The following GSG1L variants were observed in gnomAD, a reference collection of about 807,000 sequenced individuals.
GSG1L encodes the protein germ cell-specific gene 1-like protein.
A neutral mutation model predicts 42.1 loss-of-function variants in GSG1L; 24 were observed. The observed-to-expected ratio is 0.57, with a 90% CI of 0.41 to 0.80. GSG1L has a LOEUF of 0.80. Among genes scored for constraint, GSG1L ranks in the 30% least tolerant of loss-of-function variants. The pLI is 0.00. For missense variants in GSG1L, 445 were observed against 472.2 expected (o/e 0.94, Z 0.53); for synonymous variants, 215 against 203.5 (o/e 1.06, Z -0.48).
At chr16:27,976,718 C>A (rs533259182) in intron 1 of GSG1L, among the ~76,000 whole-genome samples, 7 of 152,298 alleles carry the variant, frequency 4.6e-5, no homozygotes, top group African/African-American at 1.7e-4. Context: ...CATTCTCAGC[C>A]TTTTCCCATG....
At chr16:27,873,097 G>A (rs2083842715) in intron 3 of GSG1L, among the ~76,000 whole-genome samples, 1 of 152,206 alleles carries the variant, frequency 6.6e-6, no homozygotes, top group Non-Finnish European at 1.5e-5. Flanking sequence ...CCCCTTTCCA[G>A]TAACAATAGC....
intron 2 of GSG1L, among the ~76,000 whole-genome samples, chr16:27,917,289 T>C (rs2084468650): frequency 6.6e-6 from 1 of 151,910 alleles, no homozygotes; most frequent in South Asian, 2.1e-4. Flanking sequence ...AGTCCTGACC[T>C]TAAAGTGCTC....
chr16:27,815,363 T>G (rs1176452591), intron 5 of GSG1L, among the ~76,000 whole-genome samples: 1 of 152,138 alleles, frequency 6.6e-6, no homozygotes, highest in African/African-American at 2.4e-5. Flanking sequence ...TCCCGTTCTA[T>G]CATAAGTAAA....
chr16:27,987,945 C>CAAAAAAA (rs56395297), intron 1 of GSG1L, among the ~76,000 whole-genome samples: 1 of 92,838 alleles, frequency 1.1e-5, no homozygotes, highest in Non-Finnish European at 2.0e-5. Flanking sequence ...GACTCCGTCT[C>CAAAAAAA]AAAAAAAAAA....
In GSG1L at chr16:28,055,986, G is replaced by A. The variant is rs566830886; in HGVS notation, c.349+7090C>T. On this transcript the variant is annotated intron_variant, in intron 1 of 6. Transcript: ENST00000447459. ...ACCTCTCCTTGGAAATAAACCAAGA[G>A]AGGGAGCAGGGAAGAAAGAAGAACA... 2.0e-3 allele frequency among the ~76,000 whole-genome samples: 309 copies of A among 152,272 alleles called. 2 individuals are homozygous for A. The highest frequency in any genetic ancestry group is 7.1e-3 in the African/African-American group (293 of 41,534).
At chr16:28,056,938 C>T (rs1312259475) in intron 1 of GSG1L, among the ~76,000 whole-genome samples, 1 of 152,064 alleles carries the variant, frequency 6.6e-6, no homozygotes, top group East Asian at 1.9e-4. Flanking sequence ...GAAGGCCTCA[C>T]AAACTGGAGG....
intron 3 of GSG1L, among the ~76,000 whole-genome samples, chr16:27,860,601 G>A (rs981613356): frequency 6.6e-6 from 1 of 152,242 alleles, no homozygotes; most frequent in Admixed American, 6.5e-5. Context: ...TGATCCTGGG[G>A]AAAGCACAGG....
At chr16:27,947,314 CA>C (rs2084883669) in intron 2 of GSG1L, among the ~76,000 whole-genome samples, 1 of 149,878 alleles carries the variant, frequency 6.7e-6, no homozygotes, top group Admixed American at 6.8e-5. Flanking sequence ...CCTCTCTGAG[CA>C]CAGCTTCCTG....
At chr16:27,987,945 CA>C (rs56395297) in intron 1 of GSG1L, among the ~76,000 whole-genome samples, 203 of 92,834 alleles carry the variant, frequency 2.2e-3, no homozygotes, top group African/African-American at 7.0e-3. Context: ...GACTCCGTCT[CA>C]AAAAAAAAAA....
chr16:27,797,353 T>C (rs1421478532), intron 6 of GSG1L, among the ~76,000 whole-genome samples: 1 of 151,464 alleles, frequency 6.6e-6, no homozygotes, highest in African/African-American at 2.4e-5. Flanking sequence ...TGAAAACCTG[T>C]CTCTACTAAA....
At chr16:27,877,776 A>T (rs1448081094) in intron 3 of GSG1L, among the ~76,000 whole-genome samples, 2 of 152,106 alleles carry the variant, frequency 1.3e-5, no homozygotes, top group East Asian at 3.9e-4. Flanking sequence ...CCCCAGCCTC[A>T]TTTTGAGAGT....
In GSG1L at chr16:27,823,243, TG is replaced by T. The variant is rs375906312; in HGVS notation, c.830+5545del. Among the ~76,000 whole-genome samples the T allele has an allele frequency of 1.9e-4, 29 of 152,102 alleles. No individual in the cohort carries two copies. The East Asian group carries it at 5.2e-3, about 27-fold the overall frequency. ...TGTTTCTCAGGGGTGGGGCAGGAAT[TG>T]GGGGGTGCAGGCCCTCCAATCCAGC... On this transcript the variant is annotated intron_variant, in intron 5 of 6. Coordinates refer to ENST00000447459, the MANE Select transcript of GSG1L (RefSeq NM_001109763.2).
intron 1 of GSG1L, among the ~76,000 whole-genome samples, chr16:28,005,038 A>T (rs1056445562): frequency 3.9e-5 from 6 of 152,194 alleles, no homozygotes; most frequent in African/African-American, 1.4e-4. Context: ...ACAGCTCTGA[A>T]GGCTGGAGGG....
At chr16:27,827,300 G>T (rs933667192) in intron 5 of GSG1L, among the ~76,000 whole-genome samples, 1 of 152,156 alleles carries the variant, frequency 6.6e-6, no homozygotes, top group African/African-American at 2.4e-5. Flanking sequence ...GCCATTCGCG[G>T]GTACCTCTAG....
intron 3 of GSG1L, among the ~76,000 whole-genome samples, chr16:27,864,941 T>A (rs1221312224): frequency 6.6e-6 from 1 of 152,102 alleles, no homozygotes; most frequent in African/African-American, 2.4e-5. Context: ...TCCCACTGAG[T>A]CCTACCGGGC....
chr16:27,940,646 T>C (rs1303615096), intron 2 of GSG1L, among the ~76,000 whole-genome samples: 1 of 78,872 alleles, frequency 1.3e-5, no homozygotes, highest in Non-Finnish European at 2.9e-5. Context: ...AGGTGGGAAT[T>C]GAACAACGAG....
At chr16:27,997,070 C>T (rs2085522280) in intron 1 of GSG1L, among the ~76,000 whole-genome samples, 1 of 152,064 alleles carries the variant, frequency 6.6e-6, no homozygotes, top group South Asian at 2.1e-4. Context: ...CCTTATCTTA[C>T]AATTCTATAG....
intron 2 of GSG1L, among the ~76,000 whole-genome samples, chr16:27,937,008 C>T (rs1007628683): frequency 2.0e-5 from 3 of 152,212 alleles, no homozygotes; most frequent in African/African-American, 4.8e-5. Flanking sequence ...CTCAGTCCCT[C>T]GCGGTGGGCA....
rs748369131 is a variant in GSG1L, at chr16:28,063,183, G to T, written c.242C>A (p.Pro81His). ...CCAGCTGTAGAGCGCGCCGCCAGGG[G>T]GGCCGTTCCCCGAGGCGGTGGCGGC... ...AAAATASGNGPPGGALYSWET... is the reference protein window; with the variant it reads ...AAAATASGNGHPGGALYSWET... Residue 81 changes from proline to histidine, a missense_variant, in exon 1 of 7, where the codon CCC (proline) becomes CAC (histidine). Physicochemically the swap from Pro to His is moderately conservative, Grantham distance 77. This residue lies in a region of GSG1L where 156 missense variants were observed against 128.3 expected (regional missense o/e 1.22). Transcript: ENST00000447459. The surrounding 1 kb of genome is among the most constrained non-coding windows in gnomAD (Gnocchi z 5.8). 5.3e-6 allele frequency: 7 copies of T among 1,323,380 alleles called. No individual in the cohort carries two copies. In the South Asian group the frequency reaches 1.4e-4, roughly 27 times the overall value. 82.0% of individuals were successfully genotyped at this position (1,323,380 alleles called of 1,614,324 possible).
Sources: gnomAD v4.1 joint callset for allele counts (sites outside exome capture counted in the v4.1 genomes callset) on GRCh38, gnomAD v4.1.1 for gene constraint, gnomAD v4.1.1 regional missense constraint, Gnocchi (gnomAD v3.1) non-coding constraint, MANE v1.5 for transcripts, NCBI Gene and HGNC (gene_info 2026-07-23, HGNC 2026-07-21) for gene names.